The following SYCP2 variants were observed in gnomAD, a reference collection of about 807,000 sequenced individuals.
The protein encoded by SYCP2 is synaptonemal complex lateral element protein.
In SYCP2, 55 loss-of-function variants were observed where a neutral mutation model predicts 211.3. The observed-to-expected ratio is 0.26, with a 90% confidence interval of 0.21 to 0.33. SYCP2 has a LOEUF of 0.33. Among genes scored for constraint, SYCP2 ranks in the 10% least tolerant of loss-of-function variants. SYCP2 has a pLI of 1.00. For synonymous variants in SYCP2, 570 were observed against 555.2 expected (o/e 1.03, Z -0.37); for missense variants, 1,731 against 1,752.0 (o/e 0.99, Z 0.21).
chr20:59,915,651 A>C (rs1461776773), intron 8 of SYCP2, 101 bp from the exon 9 acceptor site: 5 of 743,426 alleles, frequency 6.7e-6, no homozygotes, highest in East Asian at 2.6e-5. Context: ...ATTTTTTCTT[A>C]ATCACTGAGT....
intron 3 of SYCP2, 89 bp from the exon 4 acceptor site, chr20:59,921,542 T>A (rs1486123063): frequency 2.2e-6 from 2 of 920,238 alleles, no homozygotes; most frequent in African/African-American, 1.7e-5. Context: ...CGTTTTCACA[T>A]GAAAACTCTC....
Position 59,864,215 on chromosome 20 carries a change from G to T in SYCP2, c.*96C>A. On this transcript the variant is annotated 3_prime_UTR_variant, in exon 45 of 45. Coordinates refer to ENST00000357552, the MANE Select transcript of SYCP2 (RefSeq NM_014258.4). ...CTATAAAGGGTACACTTGCTTCGGTGACATGTATATTTTTCTCTTTGTAGG... is the reference window on the plus strand; with the variant it reads ...CTATAAAGGGTACACTTGCTTCGGTTACATGTATATTTTTCTCTTTGTAGG... 2.3e-6 allele frequency: 2 copies of T among 851,788 alleles called. No individual in the cohort carries two copies. The highest frequency in any genetic ancestry group is 3.6e-6 in the Non-Finnish European group (2 of 558,452). The allele number at this position is 851,788 out of a possible 1,614,324, so 52.8% of individuals were successfully genotyped here. A position where few individuals can be genotyped will look rare whatever the true frequency, so the allele number is the denominator to read the frequency against.
At chr20:59,913,621 G>A (rs1016881980) in intron 12 of SYCP2, among the ~76,000 whole-genome samples, 2 of 152,042 alleles carry the variant, frequency 1.3e-5, no homozygotes, top group South Asian at 4.1e-4. Context: ...TAATAAATAT[G>A]TCTAGATTTT....
At chr20:59,902,350 C>T (rs1196227568) in intron 15 of SYCP2, among the ~76,000 whole-genome samples, 1 of 152,040 alleles carries the variant, frequency 6.6e-6, no homozygotes, top group South Asian at 2.1e-4. Flanking sequence ...GAGAATACAG[C>T]AAGTACCAGC....
intron 2 of SYCP2, among the ~76,000 whole-genome samples, chr20:59,926,213 T>C (rs2060631988): frequency 6.6e-6 from 1 of 152,096 alleles, no homozygotes; most frequent in Non-Finnish European, 1.5e-5. Context: ...CACAGCTATG[T>C]GTGGACTCTC....
intron 32 of SYCP2, 36 bp from the exon 33 acceptor site, chr20:59,877,591 T>C (rs1246378832): frequency 6.5e-7 from 1 of 1,535,676 alleles, no homozygotes; most frequent in Non-Finnish European, 8.7e-7. Context: ...TAGATCAATA[T>C]TTGAGGTACA....
At chr20:59,917,510 T>C (rs894559602) in intron 7 of SYCP2, among the ~76,000 whole-genome samples, 18 of 152,200 alleles carry the variant, frequency 1.2e-4, no homozygotes, top group African/African-American at 4.3e-4. Flanking sequence ...AAAAATCAGG[T>C]GGATCACTTT....
chr20:59,877,813 T>G (rs2059590188), intron 32 of SYCP2, among the ~76,000 whole-genome samples, 195 bp downstream of exon 32: 1 of 151,976 alleles, frequency 6.6e-6, no homozygotes, highest in South Asian at 2.1e-4. Flanking sequence ...TAAAAATACC[T>G]AAAAGCACAG....
At chr20:59,898,879 A>G (rs555695430) in intron 18 of SYCP2, among the ~76,000 whole-genome samples, 1 of 152,312 alleles carries the variant, frequency 6.6e-6, no homozygotes, top group African/African-American at 2.4e-5. Context: ...GCATGCAAAG[A>G]GACAGTAAAG....
chr20:59,920,494 T>G lies in SYCP2; in HGVS notation c.169-7A>C. The G allele has an allele frequency of 6.3e-7, 1 of 1,583,724 alleles. No individual in the cohort carries two copies. The highest frequency in any genetic ancestry group is 2.3e-5 in the East Asian group (1 of 44,010). Reference sequence around the variant, plus strand: ...TATCCTCTTTATTAAGTTCCTGAAATAAAAGGTATACATTAAAATTTCTGT... The same window carrying G: ...TATCCTCTTTATTAAGTTCCTGAAAGAAAAGGTATACATTAAAATTTCTGT... On this transcript the variant is annotated splice_polypyrimidine_tract_variant and splice_region_variant and intron_variant, in intron 4 of 44. Coordinates refer to ENST00000357552, the MANE Select transcript of SYCP2 (RefSeq NM_014258.4).
chr20:59,912,387 G>T lies in SYCP2; in HGVS notation c.862C>A (p.Leu288Ile). 1 of 1,090,394 alleles carries T rather than the reference G, an allele frequency of 9.2e-7. No individual in the cohort carries two copies. Among genetic ancestry groups the T allele is most frequent in the Non-Finnish European group, 1.3e-6 (1 of 758,890 alleles). 67.5% of individuals were successfully genotyped at this position (1,090,394 alleles called of 1,614,324 possible). Reference sequence around the variant, plus strand: ...TAAAATTTTACCTCATATTTATCAAGAAATGCTGATAAACAAGGAAATGTA... The same window carrying T: ...TAAAATTTTACCTCATATTTATCAATAAATGCTGATAAACAAGGAAATGTA... ...VFTFPCLSAF[L>I]DKYELQIPSD... The change falls in exon 13 of 45, where the codon CTT becomes ATT. Residue 288 changes from leucine to isoleucine, a missense_variant. Physicochemically the swap from Leu to Ile is conservative, Grantham distance 5 (BLOSUM62 2). Around this residue, in one of 3 missense-constraint regions of SYCP2, gnomAD observed 335 missense variants for 378.8 expected, o/e 0.88. Coordinates refer to ENST00000357552, the MANE Select transcript of SYCP2 (RefSeq NM_014258.4).
intron 14 of SYCP2, among the ~76,000 whole-genome samples, chr20:59,909,634 C>A (rs1325145003): frequency 2.0e-5 from 3 of 152,178 alleles, no homozygotes; most frequent in African/African-American, 7.2e-5. Flanking sequence ...TACTTAAAAT[C>A]CTCCTTTGGC....
chr20:59,892,595 T>C lies in SYCP2; in HGVS notation c.1900A>G (p.Thr634Ala), dbSNP rs1477614692. The change falls in exon 23 of 45, where the codon ACT (threonine) becomes GCT (alanine). Residue 634 changes from threonine to alanine, a missense_variant. Physicochemically the swap from Thr to Ala is moderately conservative, Grantham distance 58 (BLOSUM62 0). Around this residue, in one of 3 missense-constraint regions of SYCP2, gnomAD observed 1,387 missense variants for 1,351.3 expected, o/e 1.03. Coordinates refer to ENST00000357552, the MANE Select transcript of SYCP2 (RefSeq NM_014258.4). ...IELCNNQRAS[T>A]SSGDTLNQDI... ...TGATTCAATGTGTCTCCTGACGAAG[T>C]ACTTGCTCTTTGGTTATTACATAGT... 1 of 1,608,934 alleles carries C rather than the reference T, an allele frequency of 6.2e-7. No homozygotes were observed.
chr20:59,916,933 TAAAG>T (rs994774889), intron 7 of SYCP2, among the ~76,000 whole-genome samples: 3 of 151,578 alleles, frequency 2.0e-5, no homozygotes, highest in Non-Finnish European at 2.9e-5. Context: ...TAAAAATAAA[TAAAG>T]AGTTAGTGGA....
intron 12 of SYCP2, among the ~76,000 whole-genome samples, chr20:59,912,856 C>T (rs2060357289): frequency 6.6e-6 from 1 of 152,150 alleles, no homozygotes; most frequent in Non-Finnish European, 1.5e-5. Context: ...CAGGGGTTTC[C>T]CCTTTTGCAT....
In SYCP2 at chr20:59,905,587, G is replaced by A. The variant is rs142942874; in HGVS notation, c.1033+1777C>T. 3.4e-3 allele frequency among the ~76,000 whole-genome samples: 524 copies of A among 152,202 alleles called. 2 individuals are homozygous for A. The highest frequency in any genetic ancestry group is 0.011 in the African/African-American group (449 of 41,542). ...TGTATCAAAGAAAACATCAGTAATT[G>A]CCTGGGGGTAGAGTACAAGGATGGA... is the stretch of plus-strand genomic sequence containing the variant. On this transcript the variant is annotated intron_variant, in intron 15 of 44. Transcript: ENST00000357552.
chr20:59,874,217 T>G (rs79729287), intron 34 of SYCP2, among the ~76,000 whole-genome samples, 156 bp from the exon 35 acceptor site: 4,077 of 152,214 alleles, frequency 0.027, 66 homozygotes, highest in Middle Eastern at 0.041. Flanking sequence ...AAGACCAAGT[T>G]ATATTTAAAA....
At chr20:59,926,161 A>C (rs1360996527) in intron 2 of SYCP2, among the ~76,000 whole-genome samples, 2 of 152,062 alleles carry the variant, frequency 1.3e-5, no homozygotes, top group Non-Finnish European at 1.5e-5. Flanking sequence ...AAGGGATGGA[A>C]TTGTGCCAAC....
chr20:59,926,943 AAC>A (rs1217720325), intron 2 of SYCP2, among the ~76,000 whole-genome samples: 6 of 152,154 alleles, frequency 3.9e-5, no homozygotes, highest in African/African-American at 1.4e-4. Flanking sequence ...ATTAAAGTGA[AAC>A]AAGTCAGATT....
Sources: allele counts gnomAD v4.1 joint callset (sites outside exome capture counted in the v4.1 genomes callset), GRCh38; gene constraint gnomAD v4.1.1; regional missense constraint gnomAD v4.1.1; transcripts MANE v1.5; gene names NCBI Gene and HGNC (gene_info 2026-07-23, HGNC 2026-07-21).